ZNF407: variants seen among roughly 807,000 people sequenced by gnomAD.
ZNF407 encodes the protein zinc finger protein 407.
ZNF407 carries 17 observed loss-of-function variants against 131.2 expected under a neutral mutation model. That is an observed-to-expected ratio of 0.13 (90% CI 0.09 to 0.19). The LOEUF (loss-of-function observed/expected upper bound fraction) is 0.19, where lower values mean the gene tolerates loss of function less well. Ranked by LOEUF, ZNF407 falls within the 10% of genes least tolerant of loss-of-function variation. ZNF407 has a pLI of 1.00. For synonymous variants in ZNF407, 1,156 were observed against 1,062.0 expected (o/e 1.09, Z -1.72); for missense variants, 2,681 against 2,830.6 (o/e 0.95, Z 1.20).
chr18:74,977,296 G>A (rs1235191722), intron 8 of ZNF407, among the ~76,000 whole-genome samples: 1 of 152,198 alleles, frequency 6.6e-6, no homozygotes, highest in Non-Finnish European at 1.5e-5. Flanking sequence ...GTCAGATGGT[G>A]GTGAGAGCCT....
At chr18:74,958,033 G>A (rs1972296307) in intron 8 of ZNF407, among the ~76,000 whole-genome samples, 1 of 152,172 alleles carries the variant, frequency 6.6e-6, no homozygotes, top group Non-Finnish European at 1.5e-5. Context: ...TCAGGTATTT[G>A]TGAGCTCTCC....
intron 4 of ZNF407, among the ~76,000 whole-genome samples, chr18:74,863,103 T>C (rs1970960665): frequency 6.6e-6 from 1 of 151,824 alleles, no homozygotes; most frequent in Admixed American, 6.6e-5. Flanking sequence ...ATATTTTTAG[T>C]AGGGATGGGG....
intron 6 of ZNF407, among the ~76,000 whole-genome samples, chr18:74,888,833 A>T (rs1356704831): frequency 6.6e-6 from 1 of 152,186 alleles, no homozygotes; most frequent in African/African-American, 2.4e-5. Flanking sequence ...TTTGTTCAAG[A>T]TACCAGTATG....
At chr18:74,961,762 G>A (rs150175176) in intron 8 of ZNF407, among the ~76,000 whole-genome samples, 1,647 of 151,166 alleles carry the variant, frequency 0.011, 33 homozygotes, top group African/African-American at 0.037. Flanking sequence ...AATTGCAGTA[G>A]AATGAGGTTT....
At chr18:74,786,320 A>G (rs1438615245) in intron 4 of ZNF407, among the ~76,000 whole-genome samples, 1 of 152,140 alleles carries the variant, frequency 6.6e-6, no homozygotes, top group Non-Finnish European at 1.5e-5. Flanking sequence ...CTTCTCTCTG[A>G]TATATTCTTC....
intron 7 of ZNF407, among the ~76,000 whole-genome samples, chr18:74,902,515 A>G (rs571801954): frequency 1.3e-5 from 2 of 152,274 alleles, no homozygotes; most frequent in South Asian, 4.1e-4. Context: ...GTGTGCAGGG[A>G]CTGAAATGAA....
intron 4 of ZNF407, among the ~76,000 whole-genome samples, chr18:74,831,432 C>G (rs1970481789): frequency 6.6e-6 from 1 of 152,018 alleles, no homozygotes; most frequent in African/African-American, 2.4e-5. Context: ...TTCCTTCAGC[C>G]CACCCTTTGC....
At chr18:74,804,212 A>ATTGTGTGATGT (rs1970072698) in intron 4 of ZNF407, 4 of 1,319,154 alleles carry the variant, frequency 3.0e-6, no homozygotes, top group Non-Finnish European at 3.9e-6. Flanking sequence ...ATCATCACAC[A>ATTGTGTGATGT]AATGTAGGCT....
At chr18:74,910,943 T>A (rs1971661916) in intron 7 of ZNF407, among the ~76,000 whole-genome samples, 1 of 152,158 alleles carries the variant, frequency 6.6e-6, no homozygotes. Context: ...GAATCCCTGT[T>A]ACCTAGTGTG....
chr18:74,802,544 A>G (rs759660451), intron 4 of ZNF407, among the ~76,000 whole-genome samples: 1 of 152,232 alleles, frequency 6.6e-6, no homozygotes, highest in African/African-American at 2.4e-5. Flanking sequence ...TCCAAATTTT[A>G]TGTAGCAGAA....
chr18:74,606,834 T>C (rs1480777543), intron 1 of ZNF407, among the ~76,000 whole-genome samples: 2 of 152,220 alleles, frequency 1.3e-5, no homozygotes, highest in Non-Finnish European at 2.9e-5. Flanking sequence ...AGAAATAATT[T>C]TAGATATATC....
At chr18:74,967,180 G>C (rs1414944701) in intron 8 of ZNF407, among the ~76,000 whole-genome samples, 1 of 152,128 alleles carries the variant, frequency 6.6e-6, no homozygotes. Flanking sequence ...CCTGAGCCTG[G>C]GAGGTTGAGG....
intron 7 of ZNF407, among the ~76,000 whole-genome samples, chr18:74,918,400 G>A (rs141057517): frequency 7.7e-4 from 117 of 152,362 alleles, no homozygotes; most frequent in African/African-American, 2.6e-3. Context: ...TTGTGTAGCA[G>A]TCTTGACCTC....
intron 6 of ZNF407, among the ~76,000 whole-genome samples, chr18:74,889,541 T>C (rs2628122): frequency 0.019 from 2,922 of 152,254 alleles, 84 homozygotes; most frequent in African/African-American, 0.066. Context: ...ACAGTATATC[T>C]CTGTTATATG....
chr18:74,675,218 T>C (rs762467823), intron 3 of ZNF407, among the ~76,000 whole-genome samples: 7 of 152,208 alleles, frequency 4.6e-5, no homozygotes, highest in Non-Finnish European at 8.8e-5. Context: ...AACATTTGGG[T>C]GTAGGTTCAG....
chr18:74,848,812 G>A (rs1326585026), intron 4 of ZNF407, among the ~76,000 whole-genome samples: 1 of 152,036 alleles, frequency 6.6e-6, no homozygotes, highest in African/African-American at 2.4e-5. Flanking sequence ...CTAGAATTTA[G>A]GCTACTTTCA....
intron 8 of ZNF407, among the ~76,000 whole-genome samples, chr18:74,933,993 A>C (rs1410275870): frequency 6.6e-6 from 1 of 152,124 alleles, no homozygotes; most frequent in Non-Finnish European, 1.5e-5. Context: ...AATAGCTTTT[A>C]CTGCAGCAGA....
In ZNF407 at chr18:74,990,308, G is replaced by A. The variant is rs567530342; in HGVS notation, c.5428+69616G>A. Among the ~76,000 whole-genome samples, 4 of 152,316 alleles carry A rather than the reference G, an allele frequency of 2.6e-5. No homozygotes were observed. The East Asian group carries it at 5.8e-4, about 22-fold the overall frequency. On this transcript the variant is annotated intron_variant, in intron 8 of 8. Coordinates refer to ENST00000299687, the MANE Select transcript of ZNF407 (RefSeq NM_017757.3). ...TTACCCTAGCTCAACCAAGTTTACT[G>A]TGACTGGCTTTGGTTAAGTTGGACA...
chr18:74,709,674 A>G (rs1967711039), intron 3 of ZNF407, among the ~76,000 whole-genome samples: 1 of 152,222 alleles, frequency 6.6e-6, no homozygotes, highest in African/African-American at 2.4e-5. Flanking sequence ...GCCGCACTTG[A>G]ATGACCCAAT....
Sources: allele counts gnomAD v4.1 joint callset (sites outside exome capture counted in the v4.1 genomes callset), GRCh38; gene constraint gnomAD v4.1.1; transcripts MANE v1.5; gene names NCBI Gene and HGNC (gene_info 2026-07-23, HGNC 2026-07-21).